XPR1: variants seen among roughly 807,000 people sequenced by gnomAD.
The protein encoded by XPR1 is xenotropic and polytropic retrovirus receptor 1, also known as solute carrier family 53 member 1.
XPR1 carries 28 observed loss-of-function variants against 87.5 expected under a neutral mutation model. That is an observed-to-expected ratio of 0.32 (90% confidence interval 0.24 to 0.44). The LOEUF is 0.44. Among genes scored for constraint, XPR1 ranks in the 20% least tolerant of loss-of-function variants. XPR1 has a pLI of 1.00. For synonymous variants in XPR1, 300 were observed against 306.1 expected, an observed-to-expected ratio of 0.98 and a Z score of 0.21; for missense variants, 559 against 862.3, an observed-to-expected ratio of 0.65 and a Z score of 4.41.
At chr1:180,768,830 A>T (rs1648389572) in intron 2 of XPR1, among the ~76,000 whole-genome samples, 1 of 152,218 alleles carries the variant, frequency 6.6e-6, no homozygotes, top group South Asian at 2.1e-4. Context: ...GTACTACTTT[A>T]GGTTATAGAA....
intron 1 of XPR1, among the ~76,000 whole-genome samples, chr1:180,638,598 G>C (rs1002788074): frequency 1.3e-5 from 2 of 152,066 alleles, no homozygotes; most frequent in African/African-American, 4.8e-5. Flanking sequence ...GTCTTCCTTT[G>C]CTATAGGCTG....
intron 11 of XPR1, among the ~76,000 whole-genome samples, chr1:180,840,574 A>G (rs79219364): frequency 0.39 from 49,773 of 127,942 alleles, 9,920 homozygotes; most frequent in Non-Finnish European, 0.45. Flanking sequence ...GTGTATATAT[A>G]TATATATATA....
intron 2 of XPR1, among the ~76,000 whole-genome samples, chr1:180,719,155 A>G (rs1658095488): frequency 6.6e-6 from 1 of 152,242 alleles, no homozygotes; most frequent in Non-Finnish European, 1.5e-5. Context: ...TGGGATATAT[A>G]AATACCAAGG....
chr1:180,717,851 A>G lies in XPR1; in HGVS notation c.121+35440A>G, dbSNP rs151087465. On this transcript the variant is annotated intron_variant, in intron 2 of 14. Coordinates refer to ENST00000367590, the MANE Select transcript of XPR1 (RefSeq NM_004736.4). ...AGGAAACATTTTCTAGCACACTACT[A>G]TTAGGTTGGTACAAAAGTAATTGTG... 1.7e-3 allele frequency among the ~76,000 whole-genome samples: 255 copies of G among 152,290 alleles called. 1 individual carries two copies. The highest frequency in any genetic ancestry group is 3.9e-3 in the South Asian group (19 of 4,818).
Position 180,685,730 on chromosome 1 carries a change from C to T in XPR1, c.121+3319C>T, listed in dbSNP as rs142836071. Among the ~76,000 whole-genome samples, 906 of 152,150 alleles carry T rather than the reference C, an allele frequency of 6.0e-3. 8 individuals carry two copies. The highest frequency in any genetic ancestry group is 0.02 in the African/African-American group (830 of 41,526). Reference sequence around the variant, plus strand: ...TTAGTCTTGGGGAGGATGTATGTGTCGAGGAATTTATCCATTTCTTCTAGA... The same window carrying T: ...TTAGTCTTGGGGAGGATGTATGTGTTGAGGAATTTATCCATTTCTTCTAGA... On this transcript the variant is annotated intron_variant, in intron 2 of 14. Transcript: ENST00000367590.
chr1:180,637,966 A>G (rs926740244), intron 1 of XPR1, among the ~76,000 whole-genome samples: 8 of 152,206 alleles, frequency 5.3e-5, no homozygotes, highest in Non-Finnish European at 1.0e-4. Flanking sequence ...TTTTCAGTTT[A>G]TAGCCATTAA....
chr1:180,702,720 G>A lies in XPR1; in HGVS notation c.121+20309G>A, dbSNP rs114385291. Among the ~76,000 whole-genome samples the A allele has an allele frequency of 7.4e-3, 1,125 of 151,910 alleles. 14 individuals carry two copies. The highest frequency in any genetic ancestry group is 9.4e-3 in the Non-Finnish European group (637 of 67,952). The stretch of plus-strand genomic sequence containing the variant: ...CCTGATTTCTTTATATTGTTTATCT[G>A]TGTTCTCATTGAGTTTCTTTAATAT... On this transcript the variant is annotated intron_variant, in intron 2 of 14. Coordinates refer to ENST00000367590, the MANE Select transcript of XPR1 (RefSeq NM_004736.4).
intron 9 of XPR1, among the ~76,000 whole-genome samples, chr1:180,834,255 G>A (rs1245350278): frequency 6.6e-6 from 1 of 151,896 alleles, no homozygotes; most frequent in Non-Finnish European, 1.5e-5. Context: ...CTAATTTTTT[G>A]TATTTTAATA....
chr1:180,874,090 A>C (rs1011264688), intron 13 of XPR1, 148 bp downstream of exon 13: 2 of 1,010,326 alleles, frequency 2.0e-6, no homozygotes, highest in African/African-American at 3.3e-5. Context: ...TAGAATTGGA[A>C]AACCATGTTG....
At chr1:180,863,489 G>C (rs10914121) in intron 11 of XPR1, among the ~76,000 whole-genome samples, 5 of 152,064 alleles carry the variant, frequency 3.3e-5, no homozygotes. Flanking sequence ...ATTTGTGTAA[G>C]TGTTATGTAT....
intron 11 of XPR1, 75 bp downstream of exon 11, chr1:180,836,791 C>A: frequency 5.3e-6 from 8 of 1,513,184 alleles, no homozygotes; most frequent in Non-Finnish European, 7.2e-6. Flanking sequence ...CTTACTCTGG[C>A]TACTTTTCCA....
At chr1:180,856,884 G>A (rs1327567128) in intron 11 of XPR1, among the ~76,000 whole-genome samples, 1 of 152,132 alleles carries the variant, frequency 6.6e-6, no homozygotes, top group South Asian at 2.1e-4. Context: ...CTGCACTGTT[G>A]CATAATTTAA....
At chr1:180,743,897 G>T (rs939733071) in intron 2 of XPR1, among the ~76,000 whole-genome samples, 10 of 152,170 alleles carry the variant, frequency 6.6e-5, no homozygotes, top group Non-Finnish European at 5.9e-5. Flanking sequence ...ACTTTCAAGA[G>T]TTAATTTTGT....
At chr1:180,820,843 C>T (rs911620262) in intron 7 of XPR1, among the ~76,000 whole-genome samples, 3 of 152,072 alleles carry the variant, frequency 2.0e-5, no homozygotes, top group Admixed American at 6.5e-5. Context: ...TTTTCATGTG[C>T]TCATTGGCCA....
chr1:180,650,615 T>C (rs548977673), intron 1 of XPR1, among the ~76,000 whole-genome samples: 1 of 152,346 alleles, frequency 6.6e-6, no homozygotes, highest in South Asian at 2.1e-4. Flanking sequence ...TCACTTTCAT[T>C]GATACCTCTA....
chr1:180,846,097 TA>T (rs1288311681), intron 11 of XPR1, among the ~76,000 whole-genome samples: 1 of 151,968 alleles, frequency 6.6e-6, no homozygotes, highest in Non-Finnish European at 1.5e-5. Flanking sequence ...CTGTCTCTAC[TA>T]AAAATTATAA....
intron 2 of XPR1, among the ~76,000 whole-genome samples, chr1:180,690,684 A>C (rs1310218776): frequency 6.6e-6 from 1 of 151,362 alleles, no homozygotes; most frequent in Non-Finnish European, 1.5e-5. Flanking sequence ...TTACTTACTG[A>C]TATCTTGTTT....
At chr1:180,826,772 C>A (rs552726776) in intron 9 of XPR1, among the ~76,000 whole-genome samples, 1 of 152,008 alleles carries the variant, frequency 6.6e-6, no homozygotes, top group African/African-American at 2.4e-5. Flanking sequence ...TTTTGTATGC[C>A]CCTTATGTTA....
chr1:180,875,470 C>G (rs940397938), intron 13 of XPR1, among the ~76,000 whole-genome samples: 2 of 145,998 alleles, frequency 1.4e-5, no homozygotes, highest in African/African-American at 5.1e-5. Flanking sequence ...GATCATGCCA[C>G]TGCACTCCAG....
Sources: allele counts gnomAD v4.1 joint callset (sites outside exome capture counted in the v4.1 genomes callset), GRCh38; gene constraint gnomAD v4.1.1; transcripts MANE v1.5; gene names NCBI Gene and HGNC (gene_info 2026-07-23, HGNC 2026-07-21).